FAM185A: variants seen among roughly 807,000 people sequenced by gnomAD.
FAM185A encodes family with sequence similarity 185 member A, also known as protein FAM185A.
Under a neutral mutation model 45.7 loss-of-function variants are expected in FAM185A, and 21 were observed. That is an observed-to-expected ratio of 0.46 (90% CI 0.33 to 0.66). The LOEUF (loss-of-function observed/expected upper bound fraction) is 0.66. FAM185A is among the 30% of genes least tolerant of loss of function. The pLI is 0.03. For synonymous variants in FAM185A, 117 were observed against 194.0 expected, an observed-to-expected ratio of 0.60 and a Z score of 3.30; for missense variants, 305 against 485.4, an observed-to-expected ratio of 0.63 and a Z score of 3.49.
intron 7 of FAM185A, among the ~76,000 whole-genome samples, chr7:102,801,107 A>G (rs938402525): frequency 1.3e-5 from 2 of 152,230 alleles, no homozygotes; most frequent in African/African-American, 2.4e-5. Context: ...TTATCAGCCA[A>G]GAATTTTGTA....
chr7:102,752,295 T>C (rs113321671), intron 2 of FAM185A, among the ~76,000 whole-genome samples: 3,722 of 144,036 alleles, frequency 0.026, 156 homozygotes, highest in African/African-American at 0.091. Context: ...TTTTTTGAGA[T>C]GGAGTCTTAC....
chr7:102,822,130 A>G, the FAM185A span: 1 of 1,614,238 alleles, frequency 6.2e-7, no homozygotes, highest in East Asian at 2.2e-5. Flanking sequence ...AGTAAGCAAG[A>G]CACAACCAGA....
intron 4 of FAM185A, among the ~76,000 whole-genome samples, chr7:102,761,788 C>T (rs574050746): frequency 2.6e-5 from 4 of 151,936 alleles, no homozygotes; most frequent in Non-Finnish European, 5.9e-5. Flanking sequence ...CCCAACCTCC[C>T]GAGAAGCTGG....
intron 7 of FAM185A, among the ~76,000 whole-genome samples, chr7:102,807,639 C>T (rs997026116): frequency 2.6e-5 from 4 of 151,904 alleles, no homozygotes; most frequent in African/African-American, 9.7e-5. Context: ...AGAGGTCAGG[C>T]TTGGTGGCTC....
At chr7:102,834,473 A>ATATATGTG in the FAM185A span, 430 of 141,538 alleles carry the variant, frequency 3.0e-3, 5 homozygotes, top group African/African-American at 0.011. Context: ...ATATATATAT[A>ATATATGTG]TGTGATGTGG....
At chr7:102,769,296 C>T (rs1794600909) in intron 4 of FAM185A, among the ~76,000 whole-genome samples, 1 of 151,436 alleles carries the variant, frequency 6.6e-6, no homozygotes. Flanking sequence ...ATAGGTCCCA[C>T]TATAATTAAC....
At chr7:102,758,761 A>T (rs1195234668) in intron 3 of FAM185A, among the ~76,000 whole-genome samples, 1 of 151,968 alleles carries the variant, frequency 6.6e-6, no homozygotes, top group Admixed American at 6.6e-5. Context: ...TATGTAGATT[A>T]TTGTTGGCAT....
the FAM185A span, among the ~76,000 whole-genome samples, chr7:102,824,204 A>G: frequency 6.6e-6 from 1 of 152,248 alleles, no homozygotes; most frequent in African/African-American, 2.4e-5. Context: ...TCCCAGATAT[A>G]AGGTCCTGCT....
the FAM185A span, among the ~76,000 whole-genome samples, chr7:102,831,198 C>T: frequency 6.6e-6 from 1 of 152,120 alleles, no homozygotes; most frequent in Non-Finnish European, 1.5e-5. Context: ...TATCTCTGCA[C>T]TCAGCATTGA....
intron 5 of FAM185A, among the ~76,000 whole-genome samples, chr7:102,774,634 T>G (rs1462511909): frequency 6.6e-6 from 1 of 152,248 alleles, no homozygotes; most frequent in African/African-American, 2.4e-5. Flanking sequence ...TTCTCTTTTT[T>G]TACTTTCTTT....
At chr7:102,757,768 A>T (rs1247932750) in intron 2 of FAM185A, 86 bp from the exon 3 acceptor site, 3 of 1,242,488 alleles carry the variant, frequency 2.4e-6, no homozygotes, top group Non-Finnish European at 3.4e-6. Context: ...TGTCAGTATT[A>T]ATACAGAAAT....
chr7:102,765,050 G>C (rs1455199205), intron 4 of FAM185A, among the ~76,000 whole-genome samples: 1 of 152,254 alleles, frequency 6.6e-6, no homozygotes, highest in Non-Finnish European at 1.5e-5. Flanking sequence ...ACTAGACTTA[G>C]AAATGTCTAA....
intron 7 of FAM185A, among the ~76,000 whole-genome samples, chr7:102,807,942 T>A (rs1414668508): frequency 1.3e-5 from 2 of 152,102 alleles, no homozygotes; most frequent in African/African-American, 4.8e-5. Context: ...GTGCCTGTAG[T>A]CCCAGCTACT....
chr7:102,843,443 AC>A, the FAM185A span, among the ~76,000 whole-genome samples: 16 of 152,010 alleles, frequency 1.1e-4, no homozygotes, highest in Admixed American at 1.0e-3. Flanking sequence ...CATCTCAAAA[AC>A]AAAAACAAAA....
chr7:102,799,788 C>T (rs1232631932), intron 7 of FAM185A, among the ~76,000 whole-genome samples: 1 of 152,182 alleles, frequency 6.6e-6, no homozygotes, highest in African/African-American at 2.4e-5. Flanking sequence ...ATACTTAACA[C>T]TTGAACTCTC....
chr7:102,829,113 C>G, the FAM185A span, among the ~76,000 whole-genome samples: 3 of 152,106 alleles, frequency 2.0e-5, no homozygotes, highest in African/African-American at 7.2e-5. Context: ...GTTATAAAAC[C>G]CAAGATGGTC....
At chr7:102,756,050 G>A in intron 2 of FAM185A, 1 of 277,462 alleles carries the variant, frequency 3.6e-6, no homozygotes, top group Non-Finnish European at 6.9e-6. Flanking sequence ...TTGATAAGGA[G>A]TATATTAAAT....
intron 6 of FAM185A, among the ~76,000 whole-genome samples, chr7:102,782,252 C>A (rs897907013): frequency 3.7e-4 from 57 of 152,216 alleles, no homozygotes; most frequent in African/African-American, 1.2e-3. Flanking sequence ...GAGAACTTCC[C>A]CAGTCTAGCA....
At chr7:102,780,186 C>T (rs10236041) in intron 6 of FAM185A, among the ~76,000 whole-genome samples, 2,296 of 152,186 alleles carry the variant, frequency 0.015, 67 homozygotes, top group African/African-American at 0.053. Flanking sequence ...AGGAAAACCA[C>T]GACCCATAAG....
Sources: gnomAD v4.1 joint callset for allele counts (sites outside exome capture counted in the v4.1 genomes callset) on GRCh38, gnomAD v4.1.1 for gene constraint, MANE v1.5 for transcripts, NCBI Gene and HGNC (gene_info 2026-07-23, HGNC 2026-07-21) for gene names.